MAPT: variants seen among roughly 807,000 people sequenced by gnomAD.
The protein encoded by MAPT is microtubule-associated protein tau.
A neutral mutation model predicts 67.9 loss-of-function variants in MAPT; 34 were observed. The observed-to-expected ratio is 0.50, with a 90% CI of 0.38 to 0.67. The LOEUF is 0.67. Among genes scored for constraint, MAPT ranks in the 30% least tolerant of loss-of-function variants. The pLI is 0.00. For synonymous variants in MAPT, 456 were observed against 464.5 expected, an observed-to-expected ratio of 0.98 and a Z score of 0.23; for missense variants, 881 against 1,115.2, an observed-to-expected ratio of 0.79 and a Z score of 2.99.
chr17:45,922,977 C>CTCTGGAGTAGAACTCATCTTGTGTCTTCT (rs1457597629), intron 1 of MAPT, among the ~76,000 whole-genome samples: 5 of 152,232 alleles, frequency 3.3e-5, no homozygotes, highest in Non-Finnish European at 7.3e-5. Flanking sequence ...AGAGCCTGGA[C>CTCTGGAGTAGAACTCATCTTGTGTCTTCT]TCTGGAGTAG....
chr17:45,934,732 A>G (rs2144758684), intron 1 of MAPT, among the ~76,000 whole-genome samples: 1 of 152,302 alleles, frequency 6.6e-6, no homozygotes, highest in South Asian at 2.1e-4. Context: ...CTGCTCTAAG[A>G]GGCAGTAGCT....
At chr17:45,959,562 C>A (rs2070148492) in intron 1 of MAPT, among the ~76,000 whole-genome samples, 1 of 152,094 alleles carries the variant, frequency 6.6e-6, no homozygotes. Flanking sequence ...AATCCCTAAA[C>A]TTTGGGAGGC....
chr17:46,010,419 G>A lies in MAPT; in HGVS notation c.2091+17G>A, dbSNP rs762590440. ...GGCGGCAGTGTGAGTACCTTCACAC[G>A]TCCCATGCGCCGTGCTGTGGCTTGA... On this transcript the variant is annotated intron_variant, in intron 10 of 12. Transcript: ENST00000262410. This position sits in a 1 kb window ranked among gnomAD's most constrained non-coding sequence, Gnocchi z 4.7. 2.0e-6 allele frequency: 3 copies of A among 1,514,418 alleles called. No homozygotes were observed. Among genetic ancestry groups the A allele is most frequent in the South Asian group, 1.2e-5 (1 of 83,760 alleles). The allele number at this position is 1,514,418 out of a possible 1,614,324, so 93.8% of individuals were successfully genotyped here.
rs760469163 is a variant in MAPT, at chr17:45,983,681, A to G, written c.1102A>G (p.Lys368Glu). The part of the protein sequence containing the change: ...EPDGPSVGRA[K>E]GQDAPLEFTF... ...CGACGGGCCCAGTGTAGGGCGGGCCAAAGGGCAGGATGCCCCCCTGGAGTT... is the reference window on the plus strand; with the variant it reads ...CGACGGGCCCAGTGTAGGGCGGGCCGAAGGGCAGGATGCCCCCCTGGAGTT... Residue 368 changes from lysine to glutamate, a missense_variant, in exon 5 of 13, where the codon AAA becomes GAA. Lys to Glu is a moderately conservative substitution (Grantham distance 56). Coordinates refer to ENST00000262410, the MANE Select transcript of MAPT (RefSeq NM_001377265.1). 5.6e-6 allele frequency: 9 copies of G among 1,613,992 alleles called. No homozygotes were observed.
chr17:45,917,440 C>G (rs944057113), intron 1 of MAPT, among the ~76,000 whole-genome samples: 1 of 152,200 alleles, frequency 6.6e-6, no homozygotes, highest in Non-Finnish European at 1.5e-5. Flanking sequence ...AAATTTCCTT[C>G]CACTGAAGCA....
At chr17:45,963,587 A>C (rs1336259197) in intron 2 of MAPT, among the ~76,000 whole-genome samples, 1 of 152,224 alleles carries the variant, frequency 6.6e-6, no homozygotes, top group Non-Finnish European at 1.5e-5. Context: ...ATTTCTAAGG[A>C]GGCAAAATGG....
At chr17:45,938,300 A>T (rs1255085979) in intron 1 of MAPT, among the ~76,000 whole-genome samples, 2 of 152,234 alleles carry the variant, frequency 1.3e-5, no homozygotes. Context: ...TAAAGGTTTC[A>T]TGCATTCCTT....
chr17:45,985,216 A>G (rs951579671), intron 5 of MAPT, among the ~76,000 whole-genome samples: 5 of 152,252 alleles, frequency 3.3e-5, no homozygotes, highest in Admixed American at 6.5e-5. Flanking sequence ...GAAGCAGGAT[A>G]AGTGCTTGAA....
intron 9 of MAPT, among the ~76,000 whole-genome samples, chr17:45,998,926 T>TGCCCACCCATGCACCCCCATC (rs1274120626): frequency 1.3e-5 from 2 of 151,876 alleles, no homozygotes; most frequent in Non-Finnish European, 2.9e-5. Context: ...TTTCTCCCAT[T>TGCCCACCCATGCACCCCCATC]GCCCACCCAT....
In MAPT at chr17:45,983,824, C is replaced by T. The variant is rs1453762785; in HGVS notation, c.1245C>T (p.Pro415=). The T allele has an allele frequency of 3.7e-6, 6 of 1,612,780 alleles. No homozygotes were observed. In the South Asian group the frequency reaches 6.6e-5, roughly 18 times the overall value. Residue 415 remains proline, a synonymous_variant, in exon 5 of 13, where the codon CCC becomes CCT. Transcript: ENST00000262410. ...GAGAGGGGCCAGAGGCCCGGGGCCC[C>T]TCTTTGGGAGAGGACACAAAAGAGG... The part of the protein sequence containing the change: ...APGEGPEARG[P]SLGEDTKEAD...
intron 2 of MAPT, among the ~76,000 whole-genome samples, chr17:45,968,608 C>T (rs17572169): frequency 0.14 from 22,012 of 152,234 alleles, 2,147 homozygotes; most frequent in Non-Finnish European, 0.22. Flanking sequence ...TGATGCTTGA[C>T]TTTTCCTCAT....
In MAPT at chr17:46,027,285, G is replaced by A. The variant is rs1349044626; in HGVS notation, c.*3114G>A. On this transcript the variant is annotated 3_prime_UTR_variant, in exon 13 of 13. Coordinates refer to ENST00000262410, the MANE Select transcript of MAPT (RefSeq NM_001377265.1). Reference sequence around the variant, plus strand: ...GGGGCCAGCCTAAGATCATGGTTTAGGGTGATCAGTGCTGGCAGATAAATT... The same window carrying A: ...GGGGCCAGCCTAAGATCATGGTTTAAGGTGATCAGTGCTGGCAGATAAATT... 1 of 152,758 alleles carries A rather than the reference G, an allele frequency of 6.5e-6. No individual in the cohort carries two copies. The highest frequency in any genetic ancestry group is 2.4e-5 in the African/African-American group (1 of 41,444). 9.5% of individuals were successfully genotyped at this position (152,758 alleles called of 1,614,324 possible).
chr17:45,994,096 G>A lies in MAPT; in HGVS notation c.1733-2303G>A, dbSNP rs370781503. 1.3e-4 allele frequency: 120 copies of A among 929,718 alleles called. 1 individual carries two copies. In the African/African-American group the frequency reaches 1.8e-3, roughly 14 times the overall value. 57.6% of individuals were successfully genotyped at this position (929,718 alleles called of 1,614,324 possible). A position where few individuals can be genotyped will look rare whatever the true frequency, so the allele number is the denominator to read the frequency against. On this transcript the variant is annotated intron_variant, in intron 8 of 12. Coordinates refer to ENST00000262410, the MANE Select transcript of MAPT (RefSeq NM_001377265.1). ...GCAATGCAGGGTTCACACAGGGTTCGCAGCCTGAAGATGGAGCAGTCCGAA... is the reference window on the plus strand; with the variant it reads ...GCAATGCAGGGTTCACACAGGGTTCACAGCCTGAAGATGGAGCAGTCCGAA...
intron 1 of MAPT, chr17:45,898,075 A>T (rs1382017399): frequency 6.6e-6 from 1 of 152,266 alleles, no homozygotes. Context: ...GGATAAACAG[A>T]TAAGTGTATC....
intron 1 of MAPT, among the ~76,000 whole-genome samples, chr17:45,945,107 G>A (rs1395762125): frequency 6.6e-6 from 1 of 152,220 alleles, no homozygotes; most frequent in Admixed American, 6.5e-5. Context: ...CTCGAGTGGG[G>A]CTTCATGATT....
intron 9 of MAPT, among the ~76,000 whole-genome samples, chr17:46,002,336 C>A (rs2075067389): frequency 6.6e-6 from 1 of 152,030 alleles, no homozygotes; most frequent in South Asian, 2.1e-4. Flanking sequence ...TGGGGGGTCG[C>A]TGGGAAACAT....
intron 11 of MAPT, among the ~76,000 whole-genome samples, chr17:46,017,199 A>G (rs1414990216): frequency 6.6e-6 from 1 of 152,216 alleles, no homozygotes; most frequent in Non-Finnish European, 1.5e-5. Context: ...TTCCCTGGAA[A>G]GTCCTGTGGG....
At chr17:46,003,938 G>A (rs2075228258) in intron 9 of MAPT, among the ~76,000 whole-genome samples, 1 of 152,204 alleles carries the variant, frequency 6.6e-6, no homozygotes, top group African/African-American at 2.4e-5. Flanking sequence ...ACTCTACCCT[G>A]TTATTTGATC....
At chr17:45,957,022 A>G (rs1363613485) in intron 1 of MAPT, among the ~76,000 whole-genome samples, 3 of 152,024 alleles carry the variant, frequency 2.0e-5, no homozygotes, top group Admixed American at 6.6e-5. Flanking sequence ...GTTGGTTCCA[A>G]GTCTTTGCTA....
Sources: allele counts gnomAD v4.1 joint callset (sites outside exome capture counted in the v4.1 genomes callset), GRCh38; gene constraint gnomAD v4.1.1; non-coding constraint Gnocchi (gnomAD v3.1); transcripts MANE v1.5; gene names NCBI Gene and HGNC (gene_info 2026-07-23, HGNC 2026-07-21).